The following DPYD variants were observed in gnomAD, a reference collection of about 807,000 sequenced individuals.
The protein encoded by DPYD is dihydropyrimidine dehydrogenase, also known as dihydropyrimidine dehydrogenase [NADP(+)].
DPYD carries 109 observed loss-of-function variants against 116.2 expected under a neutral mutation model. That is an observed-to-expected ratio of 0.94 (90% CI 0.80 to 1.10). The LOEUF (loss-of-function observed/expected upper bound fraction) is 1.10. DPYD is among the 50% of genes least tolerant of loss of function. The pLI is 0.00. For synonymous variants in DPYD, 440 were observed against 432.0 expected (o/e 1.02, Z -0.23); for missense variants, 1,302 against 1,254.5 (o/e 1.04, Z -0.57).
At chr1:97,865,101 A>G (rs1571494049) in intron 2 of DPYD, among the ~76,000 whole-genome samples, 2 of 152,020 alleles carry the variant, frequency 1.3e-5, no homozygotes, top group South Asian at 4.1e-4. Context: ...CTTCTTCCAT[A>G]GGCTTTGGGA....
chr1:97,195,029 T>C, intron 19 of DPYD, among the ~76,000 whole-genome samples: 1 of 152,136 alleles, frequency 6.6e-6, no homozygotes, highest in East Asian at 1.9e-4. Flanking sequence ...TCCAAAGATA[T>C]CCCTCCAATT....
intron 20 of DPYD, among the ~76,000 whole-genome samples, chr1:97,098,998 C>T (rs1331779831): frequency 2.0e-5 from 3 of 151,968 alleles, no homozygotes; most frequent in African/African-American, 4.8e-5. Context: ...GAAGGTGAAA[C>T]CTATTGATGC....
At chr1:97,545,903 C>CT in intron 12 of DPYD, 2 of 1,075,068 alleles carry the variant, frequency 1.9e-6, no homozygotes, top group South Asian at 2.5e-5. Flanking sequence ...AAAATTTAAA[C>CT]TATCCAGGAT....
chr1:97,101,955 T>A (rs992674063), intron 20 of DPYD, among the ~76,000 whole-genome samples: 1 of 151,938 alleles, frequency 6.6e-6, no homozygotes, highest in Non-Finnish European at 1.5e-5. Flanking sequence ...GATAACAGTA[T>A]CTTACACTAA....
chr1:97,870,659 T>C (rs754805526), intron 2 of DPYD, among the ~76,000 whole-genome samples: 2 of 151,838 alleles, frequency 1.3e-5, no homozygotes, highest in East Asian at 3.9e-4. Flanking sequence ...GGCTCTAATG[T>C]AATATTTCCT....
chr1:97,269,261 C>T (rs1664424828), intron 18 of DPYD, among the ~76,000 whole-genome samples: 2 of 152,166 alleles, frequency 1.3e-5, no homozygotes, highest in South Asian at 4.1e-4. Context: ...ATTTCTACAA[C>T]ATTCTGATTA....
chr1:97,419,213 AT>A (rs1674445709), intron 14 of DPYD, among the ~76,000 whole-genome samples: 1 of 152,192 alleles, frequency 6.6e-6, no homozygotes, highest in Admixed American at 6.5e-5. Context: ...GCCATCCAAC[AT>A]ACAGTTGCTT....
intron 18 of DPYD, chr1:97,295,846 T>C (rs1006024263): frequency 6.9e-6 from 5 of 726,952 alleles, no homozygotes; most frequent in Non-Finnish European, 8.4e-6. Flanking sequence ...TTAAGTGAAA[T>C]ATGTTAGTGG....
chr1:97,545,564 A>C, intron 12 of DPYD: 1 of 453,352 alleles, frequency 2.2e-6, no homozygotes, highest in Non-Finnish European at 3.9e-6. Flanking sequence ...ATGTTTGGTG[A>C]ATATGAAAAG....
At chr1:97,162,358 C>G (rs1655977471) in intron 20 of DPYD, among the ~76,000 whole-genome samples, 1 of 152,104 alleles carries the variant, frequency 6.6e-6, no homozygotes, top group Non-Finnish European at 1.5e-5. Context: ...AGAGCCAAAT[C>G]ATGAGTGAAC....
intron 20 of DPYD, among the ~76,000 whole-genome samples, chr1:97,183,914 T>C (rs1216581165): frequency 6.6e-6 from 1 of 152,072 alleles, no homozygotes; most frequent in East Asian, 1.9e-4. Context: ...CTCTCCCTCC[T>C]TGCACCTTCC....
intron 13 of DPYD, among the ~76,000 whole-genome samples, chr1:97,464,542 A>T (rs896175631): frequency 6.6e-6 from 1 of 152,076 alleles, no homozygotes; most frequent in African/African-American, 2.4e-5. Flanking sequence ...CAGTCTAGGG[A>T]CTTGGTGTCG....
chr1:97,266,734 G>A (rs1664261219), intron 18 of DPYD, among the ~76,000 whole-genome samples: 1 of 151,980 alleles, frequency 6.6e-6, no homozygotes, highest in African/African-American at 2.4e-5. Flanking sequence ...CTGTGTCCAA[G>A]TGTTCTCATC....
At chr1:97,527,734 A>G (rs1649255280) in intron 12 of DPYD, among the ~76,000 whole-genome samples, 1 of 148,870 alleles carries the variant, frequency 6.7e-6, no homozygotes, top group African/African-American at 2.5e-5. Flanking sequence ...AGTAACTCAC[A>G]TGGTAAGTAT....
At chr1:97,792,253 C>T (rs562302213) in intron 3 of DPYD, among the ~76,000 whole-genome samples, 1 of 151,978 alleles carries the variant, frequency 6.6e-6, no homozygotes, top group Non-Finnish European at 1.5e-5. Flanking sequence ...AAAAATACTG[C>T]TACTGAGCTT....
intron 16 of DPYD, among the ~76,000 whole-genome samples, chr1:97,351,828 A>G (rs1434745072): frequency 1.3e-5 from 2 of 152,140 alleles, no homozygotes; most frequent in African/African-American, 4.8e-5. Context: ...CAAATGGAGA[A>G]AAACATTTAA....
At chr1:97,259,760 C>T (rs985457963) in intron 18 of DPYD, among the ~76,000 whole-genome samples, 62 of 152,212 alleles carry the variant, frequency 4.1e-4, no homozygotes, top group African/African-American at 1.3e-3. Context: ...TTACATACAA[C>T]AAGAATTTCA....
At chr1:97,616,075 C>G (rs1656248826) in intron 8 of DPYD, among the ~76,000 whole-genome samples, 1 of 152,070 alleles carries the variant, frequency 6.6e-6, no homozygotes, top group South Asian at 2.1e-4. Context: ...TGTTCCTCCT[C>G]TTCATTATCC....
At chr1:97,314,307 G>A (rs963436038) in intron 16 of DPYD, among the ~76,000 whole-genome samples, 2 of 151,768 alleles carry the variant, frequency 1.3e-5, no homozygotes, top group African/African-American at 2.4e-5. Flanking sequence ...GAAGGGAGAT[G>A]CTGTCCATAT....
Sources: allele counts gnomAD v4.1 joint callset (sites outside exome capture counted in the v4.1 genomes callset), GRCh38; gene constraint gnomAD v4.1.1; transcripts MANE v1.5; gene names NCBI Gene and HGNC (gene_info 2026-07-23, HGNC 2026-07-21).